GFRA1: variants seen among roughly 807,000 people sequenced by gnomAD.
The protein encoded by GFRA1 is GDNF family receptor alpha-1.
GFRA1 carries 16 observed loss-of-function variants against 51.6 expected under a neutral mutation model. The ratio of observed to expected loss-of-function variants is 0.31; its 90% confidence interval spans 0.21 to 0.47. The LOEUF is 0.47. Ranked by LOEUF, GFRA1 falls within the 20% of genes least tolerant of loss-of-function variation. The probability of loss-of-function intolerance (pLI) is 1.00; values close to 1 mark genes in which losing one functional copy is unlikely to be tolerated. For synonymous variants in GFRA1, 270 were observed against 241.3 expected, an observed-to-expected ratio of 1.12 and a Z score of -1.10; for missense variants, 530 against 594.3, an observed-to-expected ratio of 0.89 and a Z score of 1.13.
At chr10:116,136,726 G>A (rs998388402) in intron 5 of GFRA1, among the ~76,000 whole-genome samples, 2 of 152,194 alleles carry the variant, frequency 1.3e-5, no homozygotes, top group Non-Finnish European at 2.9e-5. Context: ...GACATTTCAC[G>A]GAACTCTTTC....
At chr10:116,162,322 A>G (rs1352190032) in intron 5 of GFRA1, among the ~76,000 whole-genome samples, 1 of 152,186 alleles carries the variant, frequency 6.6e-6, no homozygotes, top group Non-Finnish European at 1.5e-5. Context: ...GACCCACGAG[A>G]GCATTAACTA....
intron 5 of GFRA1, among the ~76,000 whole-genome samples, chr10:116,126,356 G>A (rs1415550136): frequency 6.6e-6 from 1 of 152,184 alleles, no homozygotes; most frequent in Non-Finnish European, 1.5e-5. Context: ...AGGGAAGCCA[G>A]TGCTGTCCAC....
At chr10:116,258,660 G>T (rs568211059) in intron 4 of GFRA1, among the ~76,000 whole-genome samples, 1 of 152,018 alleles carries the variant, frequency 6.6e-6, no homozygotes, top group Admixed American at 6.6e-5. Flanking sequence ...GAGTTCTGAA[G>T]CCAGCCTTCC....
chr10:116,205,926 TCACACACACACACACACACACACA>T (rs55780139), intron 5 of GFRA1, among the ~76,000 whole-genome samples: 2 of 142,482 alleles, frequency 1.4e-5, no homozygotes, highest in Non-Finnish European at 3.0e-5. Context: ...TTTCCTCATA[TCACACACACACACACACACACACA>T]CACACACACA....
intron 4 of GFRA1, among the ~76,000 whole-genome samples, chr10:116,239,564 T>C (rs564799089): frequency 2.1e-4 from 32 of 152,284 alleles, no homozygotes; most frequent in African/African-American, 7.7e-4. Flanking sequence ...GAAAGCCAGA[T>C]AAAATGGAAG....
In GFRA1 at chr10:116,211,657, G is replaced by C. The variant is rs762236169; in HGVS notation, c.419-12C>G. ...TTGCTGAAAAACATCTGCCAAGAAA[G>C]AAGAAAAGTAGGGGAGGGGAGAGGG... On this transcript the variant is annotated splice_polypyrimidine_tract_variant and intron_variant, in intron 4 of 10. Transcript: ENST00000355422. 98 of 1,549,156 alleles carry C rather than the reference G, an allele frequency of 6.3e-5. No individual in the cohort carries two copies. Among genetic ancestry groups the C allele is most frequent in the Non-Finnish European group, 8.4e-5 (96 of 1,145,004 alleles).
chr10:116,248,384 C>T (rs891589051), intron 4 of GFRA1, among the ~76,000 whole-genome samples: 1 of 152,086 alleles, frequency 6.6e-6, no homozygotes, highest in African/African-American at 2.4e-5. Flanking sequence ...TTTTCTGGAG[C>T]CTTACAGGGC....
intron 4 of GFRA1, 85 bp from the exon 5 acceptor site, chr10:116,211,730 T>C: frequency 1.8e-6 from 2 of 1,122,312 alleles, no homozygotes; most frequent in Non-Finnish European, 2.6e-6. Flanking sequence ...AAAAGGACAG[T>C]ATGATGATGA....
chr10:116,089,938 A>C lies in GFRA1; in HGVS notation c.1016-16T>G, dbSNP rs1343519266. The C allele has an allele frequency of 1.2e-6, 2 of 1,603,986 alleles. No homozygotes were observed. Among genetic ancestry groups the C allele is most frequent in the African/African-American group, 2.7e-5 (2 of 74,712 alleles). On this transcript the variant is annotated splice_polypyrimidine_tract_variant and intron_variant, in intron 8 of 10. Coordinates refer to ENST00000355422, the MANE Select transcript of GFRA1 (RefSeq NM_005264.8). ...ATTGCATTTTCTGCAGTAAAACAGG[A>C]GGAAATCCAATTTCAAAGTCAAGCA...
intron 6 of GFRA1, among the ~76,000 whole-genome samples, chr10:116,097,649 G>A (rs1277646164): frequency 2.0e-5 from 3 of 152,164 alleles, no homozygotes; most frequent in Admixed American, 6.5e-5. Context: ...CACCTCTGAG[G>A]TCATCTCGGC....
chr10:116,222,921 TAAC>T (rs1185057428), intron 4 of GFRA1, among the ~76,000 whole-genome samples: 1 of 152,188 alleles, frequency 6.6e-6, no homozygotes, highest in Non-Finnish European at 1.5e-5. Flanking sequence ...CAATAAAGTA[TAAC>T]AACATTTACA....
intron 4 of GFRA1, among the ~76,000 whole-genome samples, chr10:116,214,465 T>C (rs1226895682): frequency 1.3e-5 from 2 of 152,054 alleles, no homozygotes; most frequent in East Asian, 3.9e-4. Context: ...ACCCCCTCAT[T>C]TTACAGGTGA....
At chr10:116,198,144 G>A (rs1964039748) in intron 5 of GFRA1, among the ~76,000 whole-genome samples, 3 of 152,144 alleles carry the variant, frequency 2.0e-5, no homozygotes, top group Admixed American at 2.0e-4. Flanking sequence ...ACCACAGCAG[G>A]CTTCTGATCG....
rs574853596 is a variant in GFRA1 at position 116,082,008 on chromosome 10, T to G, written c.1197+7733A>C. ...GAAGCAAATAATAGGATCAGTGGAGTGCAGATATGGCAAAGACTGCAAAGT... is the reference window on the plus strand; with the variant it reads ...GAAGCAAATAATAGGATCAGTGGAGGGCAGATATGGCAAAGACTGCAAAGT... On this transcript the variant is annotated intron_variant, in intron 9 of 10. Transcript: ENST00000355422. Among the ~76,000 whole-genome samples, 441 of 152,200 alleles carry G rather than the reference T, an allele frequency of 2.9e-3. 3 individuals carry two copies. The highest frequency in any genetic ancestry group is 0.01 in the African/African-American group (425 of 41,500).
intron 9 of GFRA1, among the ~76,000 whole-genome samples, chr10:116,076,789 GT>G (rs1406941860): frequency 6.6e-6 from 1 of 152,170 alleles, no homozygotes; most frequent in Non-Finnish European, 1.5e-5. Context: ...CCTAAGCTAT[GT>G]GATAACTGTG....
chr10:116,064,420 A>AATAGGG lies in GFRA1; in HGVS notation c.1370_1375dup (p.Leu458_Leu459insSerLeu), dbSNP rs759288988. 1.2e-6 allele frequency: 2 copies of AATAGGG among 1,612,718 alleles called. No homozygotes were observed. Among genetic ancestry groups the AATAGGG allele is most frequent in the African/African-American group, 2.7e-5 (2 of 74,886 alleles). On this transcript the variant is annotated inframe_insertion, in exon 11 of 11. Transcript: ENST00000355422. The stretch of plus-strand genomic sequence containing the variant: ...CAGCTATGATGTTTCTGTTAAAGAT[A>AATAGGG]ATAGGGTGGACAGAGCGGTTACCAC...
intron 4 of GFRA1, among the ~76,000 whole-genome samples, chr10:116,254,148 C>A (rs540514298): frequency 7.3e-5 from 11 of 151,560 alleles, no homozygotes; most frequent in Non-Finnish European, 1.5e-4. Context: ...TGGTGAAACC[C>A]CGTCTCTACT....
chr10:116,243,920 T>C (rs1233435060), intron 4 of GFRA1, among the ~76,000 whole-genome samples: 1 of 152,134 alleles, frequency 6.6e-6, no homozygotes, highest in Non-Finnish European at 1.5e-5. Context: ...ACATGAAGCT[T>C]GTAAGAGTGG....
intron 5 of GFRA1, among the ~76,000 whole-genome samples, chr10:116,129,961 T>C (rs1211057894): frequency 6.6e-6 from 1 of 151,728 alleles, no homozygotes; most frequent in African/African-American, 2.4e-5. Flanking sequence ...TGATATATGT[T>C]TAATGTTATG....
Sources: gnomAD v4.1 joint callset for allele counts (sites outside exome capture counted in the v4.1 genomes callset) on GRCh38, gnomAD v4.1.1 for gene constraint, MANE v1.5 for transcripts, NCBI Gene and HGNC (gene_info 2026-07-23, HGNC 2026-07-21) for gene names.